Variants in ASIC2 observed in about 807,000 individuals in gnomAD.
The protein encoded by ASIC2 is acid sensing ion channel subunit 2.
A neutral mutation model predicts 57.3 loss-of-function variants in ASIC2; 25 were observed. The ratio of observed to expected loss-of-function variants is 0.44; its 90% confidence interval spans 0.32 to 0.61. ASIC2 has a LOEUF of 0.61. ASIC2 is among the 20% of genes least tolerant of loss of function. ASIC2 has a pLI of 0.06. For synonymous variants in ASIC2, 319 were observed against 307.5 expected (o/e 1.04, Z -0.39); for missense variants, 641 against 738.1 (o/e 0.87, Z 1.52).
intron 1 of ASIC2, 160 bp from the exon 2 acceptor site, chr17:33,112,227 G>A (rs980960404): frequency 1.0e-6 from 1 of 974,964 alleles, no homozygotes; most frequent in East Asian, 2.8e-5. Flanking sequence ...CCTGGCTGTG[G>A]GCCTGACTTG....
chr17:33,386,612 A>C (rs1909687159), intron 1 of ASIC2, among the ~76,000 whole-genome samples: 1 of 152,134 alleles, frequency 6.6e-6, no homozygotes, highest in South Asian at 2.1e-4. Flanking sequence ...TCTAATTTAT[A>C]CCTAATGCCA....
intron 1 of ASIC2, chr17:33,565,846 T>C (rs6505359): frequency 0.53 from 81,150 of 152,108 alleles, 23,050 homozygotes; most frequent in African/African-American, 0.74. Flanking sequence ...AGGTAACAGC[T>C]TGAAGGTGAA....
chr17:33,490,722 A>T (rs1197565389), intron 1 of ASIC2, among the ~76,000 whole-genome samples: 2 of 152,270 alleles, frequency 1.3e-5, no homozygotes, highest in East Asian at 3.9e-4. Context: ...TTCCTTTATA[A>T]ATTACCCAGT....
intron 1 of ASIC2, among the ~76,000 whole-genome samples, chr17:33,358,074 A>G (rs1484541206): frequency 2.6e-5 from 4 of 152,226 alleles, no homozygotes; most frequent in Non-Finnish European, 5.9e-5. Flanking sequence ...TTGGCACACT[A>G]TAGCCCACAG....
intron 3 of ASIC2, among the ~76,000 whole-genome samples, chr17:33,036,053 T>C: frequency 6.6e-6 from 1 of 152,232 alleles, no homozygotes; most frequent in Middle Eastern, 3.2e-3. Flanking sequence ...TTTTGGTCTC[T>C]CTCCGGTGCT....
intron 1 of ASIC2, among the ~76,000 whole-genome samples, chr17:33,850,172 G>T (rs545729258): frequency 1.3e-5 from 2 of 152,304 alleles, no homozygotes. Context: ...TTGGGGATCA[G>T]TTTTGAGGCC....
intron 1 of ASIC2, among the ~76,000 whole-genome samples, chr17:33,575,519 G>A (rs1229384042): frequency 6.6e-6 from 1 of 152,212 alleles, no homozygotes; most frequent in East Asian, 1.9e-4. Context: ...GGAGCTCTGT[G>A]ACAAGCTTGT....
chr17:33,693,850 A>C (rs1464446766), intron 1 of ASIC2, among the ~76,000 whole-genome samples: 1 of 152,132 alleles, frequency 6.6e-6, no homozygotes, highest in Non-Finnish European at 1.5e-5. Flanking sequence ...TGAGAGATAG[A>C]ACAGTGATAG....
chr17:33,353,496 G>A (rs1195135313), intron 1 of ASIC2, among the ~76,000 whole-genome samples: 1 of 152,036 alleles, frequency 6.6e-6, no homozygotes, highest in Non-Finnish European at 1.5e-5. Context: ...ACTGCACCTG[G>A]CTAATATATA....
At chr17:33,299,471 A>G (rs769435273) in intron 1 of ASIC2, among the ~76,000 whole-genome samples, 7 of 151,918 alleles carry the variant, frequency 4.6e-5, no homozygotes, top group Non-Finnish European at 1.0e-4. Flanking sequence ...TGGAACTGGC[A>G]CTGGAGTTGT....
chr17:33,882,614 G>C (rs1914731063), intron 1 of ASIC2, among the ~76,000 whole-genome samples: 1 of 152,240 alleles, frequency 6.6e-6, no homozygotes. Flanking sequence ...GGAAACAACA[G>C]GTGCTGGAGA....
intron 1 of ASIC2, among the ~76,000 whole-genome samples, chr17:33,785,787 G>T (rs898931999): frequency 6.6e-6 from 1 of 152,304 alleles, no homozygotes; most frequent in African/African-American, 2.4e-5. Context: ...CCAAATTGCA[G>T]GGGCCAGAGA....
chr17:33,902,600 C>G (rs796888198), intron 1 of ASIC2, among the ~76,000 whole-genome samples: 3 of 152,202 alleles, frequency 2.0e-5, no homozygotes, highest in Non-Finnish European at 4.4e-5. Context: ...TCCATGCCGG[C>G]CGGGCTGGGG....
chr17:33,583,374 G>A (rs963595103), intron 1 of ASIC2, among the ~76,000 whole-genome samples: 1 of 152,142 alleles, frequency 6.6e-6, no homozygotes, highest in Non-Finnish European at 1.5e-5. Flanking sequence ...ATTACTTACT[G>A]CGGACTTAGA....
chr17:33,378,246 A>G (rs1011164243), intron 1 of ASIC2, among the ~76,000 whole-genome samples: 2 of 152,242 alleles, frequency 1.3e-5, no homozygotes, highest in African/African-American at 4.8e-5. Flanking sequence ...TACATGTTCT[A>G]TACATGCTCC....
intron 1 of ASIC2, among the ~76,000 whole-genome samples, chr17:33,560,750 T>C (rs1916047786): frequency 1.3e-5 from 2 of 152,224 alleles, no homozygotes; most frequent in African/African-American, 2.4e-5. Context: ...GGCAGACTGC[T>C]TGGGGCTTTC....
intron 1 of ASIC2, among the ~76,000 whole-genome samples, chr17:33,484,045 A>G (rs1040762720): frequency 6.6e-6 from 1 of 152,182 alleles, no homozygotes; most frequent in South Asian, 2.1e-4. Context: ...AAGCTGAAAA[A>G]GGCAAAGAAA....
At position 33,674,811 on chromosome 17, in the gene ASIC2, G is replaced by C. The variant is rs146798446; in HGVS notation, c.555+481167C>G. ...TTCTGCTCTCTGCCGGCCGAATGTA[G>C]TGTAGCACAAAGAGCTCAGAAGTCT... On this transcript the variant is annotated intron_variant, in intron 1 of 9. Transcript: ENST00000359872. 5.5e-3 allele frequency among the ~76,000 whole-genome samples: 841 copies of C among 152,338 alleles called. 9 individuals carry two copies. The highest frequency in any genetic ancestry group is 0.019 in the African/African-American group (808 of 41,582).
intron 1 of ASIC2, among the ~76,000 whole-genome samples, chr17:34,110,443 C>A (rs1015988720): frequency 6.6e-6 from 1 of 152,226 alleles, no homozygotes; most frequent in African/African-American, 2.4e-5. Flanking sequence ...CCCAGCCTCT[C>A]TGCTGCCGCT....
Sources: allele counts gnomAD v4.1 joint callset (sites outside exome capture counted in the v4.1 genomes callset), GRCh38; gene constraint gnomAD v4.1.1; transcripts MANE v1.5; gene names NCBI Gene and HGNC (gene_info 2026-07-23, HGNC 2026-07-21).